Variants in CADM2 observed in about 807,000 individuals in gnomAD.
CADM2 encodes the protein cell adhesion molecule 2, also known as immunoglobulin superfamily member 4D.
In CADM2, 12 loss-of-function variants were observed where a neutral mutation model predicts 49.8. That is an observed-to-expected ratio of 0.24 (90% confidence interval 0.15 to 0.39). The LOEUF (loss-of-function observed/expected upper bound fraction) is 0.39. Ranked by LOEUF, CADM2 falls within the 10% of genes least tolerant of loss-of-function variation. The pLI is 1.00. For synonymous variants in CADM2, 214 were observed against 175.4 expected, an observed-to-expected ratio of 1.22 and a Z score of -1.74; for missense variants, 378 against 492.3, an observed-to-expected ratio of 0.77 and a Z score of 2.20.
chr3:85,930,182 T>C (rs987915763), intron 6 of CADM2, among the ~76,000 whole-genome samples: 1 of 152,184 alleles, frequency 6.6e-6, no homozygotes, highest in African/African-American at 2.4e-5. Context: ...AGTTTACACA[T>C]GTAGTACTTG....
At chr3:85,894,899 A>G (rs1284901883) in intron 5 of CADM2, among the ~76,000 whole-genome samples, 1 of 152,186 alleles carries the variant, frequency 6.6e-6, no homozygotes, top group East Asian at 1.9e-4. Context: ...ATTTCAGAGG[A>G]TGTATGGAAA....
intron 8 of CADM2, among the ~76,000 whole-genome samples, chr3:85,978,309 T>C (rs537464674): frequency 1.3e-5 from 2 of 151,586 alleles, no homozygotes; most frequent in African/African-American, 2.4e-5. Flanking sequence ...AACACTATTC[T>C]TTCTGGGTTT....
chr3:85,065,187 A>G (rs1445580791), intron 1 of CADM2, among the ~76,000 whole-genome samples: 1 of 152,080 alleles, frequency 6.6e-6, no homozygotes, highest in Non-Finnish European at 1.5e-5. Flanking sequence ...TTCATCTGAT[A>G]TTTCTGTTTG....
intron 1 of CADM2, among the ~76,000 whole-genome samples, chr3:85,030,525 T>C (rs1423467570): frequency 6.6e-6 from 1 of 152,170 alleles, no homozygotes; most frequent in Non-Finnish European, 1.5e-5. Context: ...AAATCATCTT[T>C]GTTTTTATGA....
intron 8 of CADM2, among the ~76,000 whole-genome samples, chr3:86,029,529 A>G (rs1235822300): frequency 2.0e-5 from 3 of 151,914 alleles, no homozygotes; most frequent in African/African-American, 7.2e-5. Flanking sequence ...CCATATTTAA[A>G]CAGTGATTTG....
chr3:85,506,648 C>T (rs1477329182), intron 1 of CADM2, among the ~76,000 whole-genome samples: 1 of 151,966 alleles, frequency 6.6e-6, no homozygotes, highest in African/African-American at 2.4e-5. Flanking sequence ...GATCCTCCTG[C>T]GTTAGCTTCC....
At chr3:85,309,029 G>T (rs1337567339) in intron 1 of CADM2, among the ~76,000 whole-genome samples, 2 of 152,012 alleles carry the variant, frequency 1.3e-5, no homozygotes, top group East Asian at 3.9e-4. Context: ...GGTCCCAAGA[G>T]CCCAAATTAA....
intron 1 of CADM2, among the ~76,000 whole-genome samples, chr3:85,492,787 T>G (rs1161982187): frequency 6.6e-6 from 1 of 152,086 alleles, no homozygotes; most frequent in African/African-American, 2.4e-5. Flanking sequence ...GTTAACACTT[T>G]TTTTAAAAAG....
At chr3:85,890,600 C>T (rs1414622669) in intron 5 of CADM2, among the ~76,000 whole-genome samples, 3 of 151,916 alleles carry the variant, frequency 2.0e-5, no homozygotes, top group East Asian at 1.9e-4. Context: ...TGGAGAGAGA[C>T]CATTTGGGGA....
chr3:84,991,851 T>C (rs965590297), intron 1 of CADM2, among the ~76,000 whole-genome samples: 3 of 152,156 alleles, frequency 2.0e-5, no homozygotes, highest in Non-Finnish European at 2.9e-5. Flanking sequence ...TGAGGAGATA[T>C]GGAAGGAACT....
chr3:85,986,521 TAA>T (rs958201610), intron 8 of CADM2, among the ~76,000 whole-genome samples: 5 of 152,104 alleles, frequency 3.3e-5, no homozygotes, highest in African/African-American at 1.2e-4. Context: ...TTTTAAAAAT[TAA>T]GTGTCAATAT....
intron 1 of CADM2, among the ~76,000 whole-genome samples, chr3:85,506,660 A>G (rs1302217350): frequency 6.6e-6 from 1 of 152,034 alleles, no homozygotes; most frequent in Non-Finnish European, 1.5e-5. Context: ...TTAGCTTCCC[A>G]AAAAGCTAGG....
intron 1 of CADM2, among the ~76,000 whole-genome samples, chr3:85,508,557 G>C (rs535658588): frequency 4.7e-4 from 72 of 152,222 alleles, no homozygotes; most frequent in African/African-American, 1.5e-3. Flanking sequence ...AGAAAGAATG[G>C]GTTCTGGAAT....
At chr3:85,835,310 GCTT>G (rs1212472819) in intron 3 of CADM2, among the ~76,000 whole-genome samples, 19 of 144,602 alleles carry the variant, frequency 1.3e-4, no homozygotes, top group African/African-American at 4.6e-4. Flanking sequence ...AACAGTTTTA[GCTT>G]CTTTTTTTTT....
At chr3:85,707,393 C>CTTTTTTTTTTTTTTTTTTT (rs34006416) in intron 1 of CADM2, among the ~76,000 whole-genome samples, 1 of 128,664 alleles carries the variant, frequency 7.8e-6, no homozygotes. Context: ...ATCATTGTAT[C>CTTTTTTTTTTTTTTTTTTT]TTTTTTTTTT....
chr3:85,899,652 T>C (rs896864472), intron 5 of CADM2, among the ~76,000 whole-genome samples: 3 of 152,206 alleles, frequency 2.0e-5, no homozygotes, highest in Non-Finnish European at 2.9e-5. Context: ...CAGAGGTTTT[T>C]AAAAATTTAT....
intron 1 of CADM2, among the ~76,000 whole-genome samples, chr3:84,975,373 T>C (rs769291358): frequency 1.3e-5 from 2 of 151,814 alleles, no homozygotes; most frequent in African/African-American, 4.8e-5. Flanking sequence ...AGAAAACTTA[T>C]AAGGGATTGC....
At chr3:85,417,871 A>G (rs1489049402) in intron 1 of CADM2, among the ~76,000 whole-genome samples, 1 of 152,124 alleles carries the variant, frequency 6.6e-6, no homozygotes, top group Non-Finnish European at 1.5e-5. Flanking sequence ...TGGTCAAATG[A>G]AAGTTCATAT....
intron 1 of CADM2, among the ~76,000 whole-genome samples, chr3:84,995,904 G>T (rs1202354404): frequency 6.6e-6 from 1 of 152,082 alleles, no homozygotes; most frequent in Non-Finnish European, 1.5e-5. Flanking sequence ...TTTTGTATTT[G>T]TCCTTGTACT....
Sources: gnomAD v4.1 joint callset for allele counts (sites outside exome capture counted in the v4.1 genomes callset) on GRCh38, gnomAD v4.1.1 for gene constraint, MANE v1.5 for transcripts, NCBI Gene and HGNC (gene_info 2026-07-23, HGNC 2026-07-21) for gene names.